SKIL: variants seen among roughly 807,000 people sequenced by gnomAD.
SKIL encodes the protein SKI like proto-oncogene.
SKIL carries 20 observed loss-of-function variants against 69.6 expected under a neutral mutation model. That is an observed-to-expected ratio of 0.29 (90% CI 0.20 to 0.42). The LOEUF (loss-of-function observed/expected upper bound fraction) is 0.42, where lower values mean the gene tolerates loss of function less well. Ranked by LOEUF, SKIL falls within the 10% of genes least tolerant of loss-of-function variation. The probability of loss-of-function intolerance (pLI) is 1.00; values close to 1 mark genes in which losing one functional copy is unlikely to be tolerated. For missense variants in SKIL, 745 were observed against 783.1 expected (o/e 0.95, Z 0.58); for synonymous variants, 310 against 279.9 (o/e 1.11, Z -1.08).
At chr3:170,373,331 C>T (rs1180501787) in intron 2 of SKIL, among the ~76,000 whole-genome samples, 1 of 151,936 alleles carries the variant, frequency 6.6e-6, no homozygotes, top group East Asian at 1.9e-4. Context: ...CGTGCCCAGC[C>T]TTTATGCCTG....
rs926677223 is a variant in SKIL at position 170,360,126 on chromosome 3, A to G, written c.-206A>G. ...TATTAGAGGCAAAACGAACAATTTTATAGGATTTGTAGTGAAATTATACCA... is the reference window on the plus strand; with the variant it reads ...TATTAGAGGCAAAACGAACAATTTTGTAGGATTTGTAGTGAAATTATACCA... On this transcript the variant is annotated 5_prime_UTR_variant, in exon 2 of 7. Coordinates refer to ENST00000259119, the MANE Select transcript of SKIL (RefSeq NM_005414.5). 1 of 468,458 alleles carries G rather than the reference A, an allele frequency of 2.1e-6. No individual in the cohort carries two copies. The highest frequency in any genetic ancestry group is 2.0e-5 in the African/African-American group (1 of 49,764). The allele number at this position is 468,458 out of a possible 1,614,324, so 29.0% of individuals were successfully genotyped here. A position where few individuals can be genotyped will look rare whatever the true frequency, so the allele number is the denominator to read the frequency against.
chr3:170,363,591 T>G (rs1736345598), intron 2 of SKIL, among the ~76,000 whole-genome samples: 1 of 152,106 alleles, frequency 6.6e-6, no homozygotes, highest in South Asian at 2.1e-4. Context: ...GTTCAAGTGA[T>G]TCTCCTGCCT....
Position 170,392,482 on chromosome 3 carries a change from G to T in SKIL, c.*65G>T. 1.9e-6 allele frequency: 2 copies of T among 1,035,176 alleles called. No homozygotes were observed. Among genetic ancestry groups the T allele is most frequent in the Non-Finnish European group, 2.8e-6 (2 of 724,950 alleles). The allele number at this position is 1,035,176 out of a possible 1,614,324, so 64.1% of individuals were successfully genotyped here. Reference sequence around the variant, plus strand: ...TTTTTTTTGTTTGTTGCTTGCTTTGGTAATTGAATTCTGAAGAATTTATCT... The same window carrying T: ...TTTTTTTTGTTTGTTGCTTGCTTTGTTAATTGAATTCTGAAGAATTTATCT... On this transcript the variant is annotated 3_prime_UTR_variant, in exon 7 of 7. Transcript: ENST00000259119.
At chr3:170,367,879 C>G (rs1440988953) in intron 2 of SKIL, among the ~76,000 whole-genome samples, 1 of 152,148 alleles carries the variant, frequency 6.6e-6, no homozygotes, top group Non-Finnish European at 1.5e-5. Flanking sequence ...ATGATACAAA[C>G]AGATGACCTA....
At chr3:170,379,277 CAT>C (rs1737204849) in intron 2 of SKIL, among the ~76,000 whole-genome samples, 1 of 152,170 alleles carries the variant, frequency 6.6e-6, no homozygotes, top group African/African-American at 2.4e-5. Flanking sequence ...TGCGCCTGGC[CAT>C]GGAACCTCTT....
Position 170,391,154 on chromosome 3 carries a change from A to G in SKIL, c.1790A>G (p.Tyr597Cys), listed in dbSNP as rs1737893416. ...CATGCTCAAAGAATGGAAGAATTTTATGTTGAACAGAAAGACTTAGAGAAA... is the reference window on the plus strand; with the variant it reads ...CATGCTCAAAGAATGGAAGAATTTTGTGTTGAACAGAAAGACTTAGAGAAA... ...NEHAQRMEEF[Y>C]VEQKDLEKKL... Residue 597 changes from tyrosine (Y) to cysteine (C), a missense_variant, in exon 6 of 7, where the codon TAT becomes TGT. Coordinates refer to ENST00000259119, the MANE Select transcript of SKIL (RefSeq NM_005414.5). The G allele has an allele frequency of 1.9e-6, 3 of 1,610,780 alleles. No individual in the cohort carries two copies. Among genetic ancestry groups the G allele is most frequent in the Non-Finnish European group, 2.5e-6 (3 of 1,177,034 alleles).
In SKIL at chr3:170,392,630, T is replaced by TA. The variant is rs67009367; in HGVS notation, c.*220dup. On this transcript the variant is annotated 3_prime_UTR_variant, in exon 7 of 7. Coordinates refer to ENST00000259119, the MANE Select transcript of SKIL (RefSeq NM_005414.5). Reference sequence around the variant, plus strand: ...AAATGTATGTTTCTTTGTACTTTTTTAAAAAAATCAGCTTAGTAACAATAC... The same window carrying TA: ...AAATGTATGTTTCTTTGTACTTTTTTAAAAAAAATCAGCTTAGTAACAATAC... 1.1e-4 allele frequency: 37 copies of TA among 328,712 alleles called. No individual in the cohort carries two copies. Among genetic ancestry groups the TA allele is most frequent in the African/African-American group, 7.5e-4 (35 of 46,800 alleles). 20.4% of individuals were successfully genotyped at this position (328,712 alleles called of 1,614,324 possible).
chr3:170,376,784 C>G (rs1246812376), intron 2 of SKIL, among the ~76,000 whole-genome samples: 1 of 151,996 alleles, frequency 6.6e-6, no homozygotes, highest in Non-Finnish European at 1.5e-5. Flanking sequence ...CCTTGTTGCC[C>G]AGGCCAGTCT....
intron 2 of SKIL, among the ~76,000 whole-genome samples, chr3:170,369,933 T>C (rs1243329124): frequency 6.6e-6 from 1 of 152,088 alleles, no homozygotes; most frequent in Admixed American, 6.5e-5. Context: ...CAATGCATCT[T>C]GTTGTAAGAT....
chr3:170,376,350 A>G (rs1198146462), intron 2 of SKIL, among the ~76,000 whole-genome samples: 1 of 152,074 alleles, frequency 6.6e-6, no homozygotes, highest in African/African-American at 2.4e-5. Flanking sequence ...CCTGCCCTCA[A>G]ACTGATCTTA....
At chr3:170,381,807 C>T (rs918761318) in intron 3 of SKIL, among the ~76,000 whole-genome samples, 1 of 151,472 alleles carries the variant, frequency 6.6e-6, no homozygotes. Flanking sequence ...TTAGGCTGGG[C>T]GCGGTGGCTC....
intron 2 of SKIL, among the ~76,000 whole-genome samples, chr3:170,378,595 A>T (rs1201834784): frequency 8.4e-6 from 1 of 119,484 alleles, no homozygotes; most frequent in Non-Finnish European, 1.6e-5. Context: ...TCTGTCACCC[A>T]GGTTGGAGTG....
intron 3 of SKIL, 96 bp downstream of exon 3, chr3:170,381,437 A>AT: frequency 2.9e-6 from 2 of 691,280 alleles, no homozygotes; most frequent in African/African-American, 1.8e-5. Flanking sequence ...TTAATTATTT[A>AT]TTTATTTTTT....
chr3:170,394,601 AATT>A lies in SKIL; in HGVS notation c.*2190_*2192del, dbSNP rs1349633202. 3.3e-5 allele frequency: 5 copies of A among 152,314 alleles called. No individual in the cohort carries two copies. In the East Asian group the frequency reaches 9.6e-4, roughly 29 times the overall value. The allele number at this position is 152,314 out of a possible 1,614,324, so 9.4% of individuals were successfully genotyped here. ...TTTAAGCAGTGCTTAAACACCATTA[AATT>A]ATTATGAACTTGTAATTCAGAATTG... On this transcript the variant is annotated 3_prime_UTR_variant, in exon 7 of 7. Transcript: ENST00000259119.
At chr3:170,368,845 CTT>C (rs1253105947) in intron 2 of SKIL, among the ~76,000 whole-genome samples, 1 of 152,084 alleles carries the variant, frequency 6.6e-6, no homozygotes, top group Non-Finnish European at 1.5e-5. Flanking sequence ...TTATTTTCGA[CTT>C]GTTACCCAAA....
intron 1 of SKIL, among the ~76,000 whole-genome samples, chr3:170,359,261 T>G (rs927043865): frequency 6.6e-6 from 1 of 152,250 alleles, no homozygotes; most frequent in African/African-American, 2.4e-5. Flanking sequence ...AAGAAATCAC[T>G]CAAGCTTCAC....
intron 2 of SKIL, among the ~76,000 whole-genome samples, chr3:170,371,467 A>G (rs1161717700): frequency 2.0e-5 from 3 of 152,204 alleles, no homozygotes; most frequent in Admixed American, 1.3e-4. Flanking sequence ...AGATCGTGCT[A>G]CTGCACTCCA....
intron 2 of SKIL, among the ~76,000 whole-genome samples, chr3:170,371,343 A>G (rs1220646241): frequency 6.6e-6 from 1 of 151,986 alleles, no homozygotes; most frequent in Non-Finnish European, 1.5e-5. Flanking sequence ...TCTACTAAAA[A>G]TAATAATAAA....
In SKIL at chr3:170,394,854, G is replaced by A. The variant is rs1738113087; in HGVS notation, c.*2437G>A. 2 of 152,116 alleles carry A rather than the reference G, an allele frequency of 1.3e-5. No individual in the cohort carries two copies. Among genetic ancestry groups the A allele is most frequent in the Admixed American group, 1.3e-4 (2 of 15,272 alleles). The allele number at this position is 152,116 out of a possible 1,614,324, so 9.4% of individuals were successfully genotyped here. On this transcript the variant is annotated 3_prime_UTR_variant, in exon 7 of 7. Coordinates refer to ENST00000259119, the MANE Select transcript of SKIL (RefSeq NM_005414.5). ...AGAGATTTTGTAATACCTTATAAGTGGAGTTGGCTAAAATACCTTATCCAT... is the reference window on the plus strand; with the variant it reads ...AGAGATTTTGTAATACCTTATAAGTAGAGTTGGCTAAAATACCTTATCCAT...
Sources: allele counts gnomAD v4.1 joint callset (sites outside exome capture counted in the v4.1 genomes callset), GRCh38; gene constraint gnomAD v4.1.1; transcripts MANE v1.5; gene names NCBI Gene and HGNC (gene_info 2026-07-23, HGNC 2026-07-21).